Variants in PRPF40B observed in about 807,000 individuals in gnomAD.
PRPF40B encodes the protein pre-mRNA-processing factor 40 homolog B.
A neutral mutation model predicts 124.5 loss-of-function variants in PRPF40B; 56 were observed. The observed-to-expected ratio is 0.45, with a 90% CI of 0.36 to 0.56. PRPF40B has a LOEUF of 0.56. Among genes scored for constraint, PRPF40B ranks in the 20% least tolerant of loss-of-function variants. The probability of loss-of-function intolerance (pLI) is 0.00; values close to 1 mark genes in which losing one functional copy is unlikely to be tolerated. For synonymous variants in PRPF40B, 443 were observed against 426.4 expected, an observed-to-expected ratio of 1.04 and a Z score of -0.48; for missense variants, 1,053 against 1,169.5, an observed-to-expected ratio of 0.90 and a Z score of 1.45.
chr12:49,630,537 C>A lies in PRPF40B; in HGVS notation c.4-8C>A. ...CCTGGGTCCTATGACTTTTCTCTCC[C>A]TCAACAGTCGGTTCCCGATTCTGGT... On this transcript the variant is annotated splice_polypyrimidine_tract_variant and splice_region_variant and intron_variant, in intron 1 of 25. Coordinates refer to ENST00000548825, the MANE Select transcript of PRPF40B (RefSeq NM_001031698.3). The A allele has an allele frequency of 7.4e-7, 1 of 1,359,386 alleles. No individual in the cohort carries two copies. Among genetic ancestry groups the A allele is most frequent in the Non-Finnish European group, 1.0e-6 (1 of 967,704 alleles). 84.2% of individuals were successfully genotyped at this position (1,359,386 alleles called of 1,614,324 possible).
intron 1 of PRPF40B, among the ~76,000 whole-genome samples, chr12:49,626,781 A>G (rs1940757229): frequency 6.6e-6 from 1 of 152,130 alleles, no homozygotes; most frequent in Admixed American, 6.6e-5. Flanking sequence ...GATATACTAG[A>G]TTGCAAACAG....
At position 49,636,570 on chromosome 12, in the gene PRPF40B, C is replaced by T. The variant is rs1387851898; in HGVS notation, c.1427-146C>T. 4.1e-6 allele frequency: 4 copies of T among 985,120 alleles called. No homozygotes were observed. The South Asian group carries it at 6.4e-5, about 16-fold the overall frequency. The allele number at this position is 985,120 out of a possible 1,614,324, so 61.0% of individuals were successfully genotyped here. A position where few individuals can be genotyped will look rare whatever the true frequency, so the allele number is the denominator to read the frequency against. ...AGAACTACCATTGCAGTGGCTGCTC[C>T]CACAGAGCCCCCTCCAGGCCCTTCC... On this transcript the variant is annotated intron_variant, in intron 15 of 25. Coordinates refer to ENST00000548825, the MANE Select transcript of PRPF40B (RefSeq NM_001031698.3).
chr12:49,630,494 G>A, intron 1 of PRPF40B, 51 bp from the exon 2 acceptor site: 1 of 779,392 alleles, frequency 1.3e-6, no homozygotes, highest in South Asian at 1.4e-5. Flanking sequence ...TCTGCAAAAA[G>A]CCCATCTCTG....
chr12:49,637,386 C>A, intron 16 of PRPF40B, 84 bp from the exon 17 acceptor site: 1 of 904,478 alleles, frequency 1.1e-6, no homozygotes, highest in Non-Finnish European at 1.8e-6. Flanking sequence ...CTGCCTCTTC[C>A]TCTGCCATTC....
intron 18 of PRPF40B, chr12:49,638,895 C>CAT (rs987750754): frequency 3.3e-5 from 5 of 152,232 alleles, no homozygotes; most frequent in Admixed American, 3.3e-4. Context: ...TGTCTCACTG[C>CAT]ATATACATTT....
rs552783251 is a variant in PRPF40B, at chr12:49,641,937, G to A, written c.1797G>A (p.Thr599=). ...KDRGFCVEVN[T]AFEDFAHVIS... is the part of the protein sequence containing the mutation. ...GGGGCTTCTGCGTGGAGGTGAACAC[G>A]GCCTTTGAGGACTTCGCCCACGTCA... The change falls in exon 19 of 26, where the codon ACG becomes ACA. Residue 599 remains threonine, a synonymous_variant. Coordinates refer to ENST00000548825, the MANE Select transcript of PRPF40B (RefSeq NM_001031698.3). 93 of 1,613,738 alleles carry A rather than the reference G, an allele frequency of 5.8e-5. 1 individual carries two copies. The highest frequency in any genetic ancestry group is 5.1e-4 in the South Asian group (46 of 91,076).
In PRPF40B at chr12:49,630,676, A is replaced by C. The variant is rs570604489; in HGVS notation, c.84+51A>C. Reference sequence around the variant, plus strand: ...TTGGCTTTTCCAGCCTGCACCCCCAACTCCCCAGCCCCTAGCCACTGCTGC... The same window carrying C: ...TTGGCTTTTCCAGCCTGCACCCCCACCTCCCCAGCCCCTAGCCACTGCTGC... On this transcript the variant is annotated intron_variant, in intron 2 of 25. Coordinates refer to ENST00000548825, the MANE Select transcript of PRPF40B (RefSeq NM_001031698.3). 25 of 747,712 alleles carry C rather than the reference A, an allele frequency of 3.3e-5. No individual in the cohort carries two copies. In the East Asian group the frequency reaches 5.7e-4, roughly 17 times the overall value. The allele number at this position is 747,712 out of a possible 1,614,324, so 46.3% of individuals were successfully genotyped here.
chr12:49,631,689 T>C lies in PRPF40B; in HGVS notation c.228+145T>C. 1 of 1,298,774 alleles carries C rather than the reference T, an allele frequency of 7.7e-7. No homozygotes were observed. Among genetic ancestry groups the C allele is most frequent in the Non-Finnish European group, 1.1e-6 (1 of 912,152 alleles). 80.5% of individuals were successfully genotyped at this position (1,298,774 alleles called of 1,614,324 possible). On this transcript the variant is annotated intron_variant, in intron 3 of 25. Coordinates refer to ENST00000548825, the MANE Select transcript of PRPF40B (RefSeq NM_001031698.3). The surrounding 1 kb of genome is among the most constrained non-coding windows in gnomAD (Gnocchi z 4.3). ...CATGTGGATTTGTCTGCTGAATGAC[T>C]GAGACAACTCTCAGGCAAGGTGAGA...
intron 1 of PRPF40B, among the ~76,000 whole-genome samples, chr12:49,627,293 C>A (rs909781621): frequency 1.1e-4 from 17 of 152,098 alleles, no homozygotes; most frequent in African/African-American, 2.2e-4. Flanking sequence ...GTTTTTTATT[C>A]ATGCCAAATA....
At position 49,635,019 on chromosome 12, in the gene PRPF40B, T is replaced by C; in HGVS notation, c.1002-80T>C. 1 of 1,411,688 alleles carries C rather than the reference T, an allele frequency of 7.1e-7. No individual in the cohort carries two copies. The highest frequency in any genetic ancestry group is 9.6e-7 in the Non-Finnish European group (1 of 1,041,132). 87.4% of individuals were successfully genotyped at this position (1,411,688 alleles called of 1,614,324 possible). A position where few individuals can be genotyped will look rare whatever the true frequency, so the allele number is the denominator to read the frequency against. ...TGGAGCCCCTGCAGCCTGCAGTGTC[T>C]CATGACCCTCCAGTGTGGGCTGTGC... On this transcript the variant is annotated intron_variant, in intron 12 of 25. Transcript: ENST00000548825. The surrounding 1 kb of genome is among the most constrained non-coding windows in gnomAD (Gnocchi z 4.1).
intron 1 of PRPF40B, among the ~76,000 whole-genome samples, chr12:49,629,912 G>A (rs1467907394): frequency 1.3e-5 from 2 of 152,180 alleles, no homozygotes; most frequent in Non-Finnish European, 2.9e-5. Flanking sequence ...ACCAAAAAGG[G>A]GATGGAGATA....
rs1035232287 is a variant in PRPF40B at position 49,634,191 on chromosome 12, G to C, written c.812+99G>C. ...TGGGCCTCTCTCTCAGGAGGGGTTTGAAGATCTGGGTGTGACCTCTGAAGG... is the reference window on the plus strand; with the variant it reads ...TGGGCCTCTCTCTCAGGAGGGGTTTCAAGATCTGGGTGTGACCTCTGAAGG... On this transcript the variant is annotated intron_variant, in intron 10 of 25. Transcript: ENST00000548825. 8.3e-6 allele frequency: 13 copies of C among 1,574,088 alleles called. No homozygotes were observed. The Admixed American group carries it at 1.1e-4, about 13-fold the overall frequency.
At chr12:49,636,096 C>T (rs966058303) in intron 15 of PRPF40B, 103 bp downstream of exon 15, 37 of 1,442,298 alleles carry the variant, frequency 2.6e-5, no homozygotes, top group African/African-American at 4.2e-5. Context: ...CCTGCCCTCC[C>T]GGACACCCTA....
Position 49,631,961 on chromosome 12 carries a change from C to G in PRPF40B, c.294+36C>G. On this transcript the variant is annotated intron_variant, in intron 4 of 25. Coordinates refer to ENST00000548825, the MANE Select transcript of PRPF40B (RefSeq NM_001031698.3). The surrounding 1 kb of genome is among the most constrained non-coding windows in gnomAD (Gnocchi z 4.3). Reference sequence around the variant, plus strand: ...GGGGCCAGCAGGTAGCAGGCTCTGCCCTGCAGTCCCGTGAGTCTGACTTGG... The same window carrying G: ...GGGGCCAGCAGGTAGCAGGCTCTGCGCTGCAGTCCCGTGAGTCTGACTTGG... The G allele has an allele frequency of 6.3e-7, 1 of 1,591,504 alleles. No homozygotes were observed. The highest frequency in any genetic ancestry group is 8.6e-7 in the Non-Finnish European group (1 of 1,159,648).
At chr12:49,640,607 T>C (rs1197540634) in intron 18 of PRPF40B, 2 of 152,242 alleles carry the variant, frequency 1.3e-5, no homozygotes, top group African/African-American at 4.8e-5. Context: ...GGTTGCTTAT[T>C]GGCTCTGAGA....
chr12:49,637,027 G>C lies in PRPF40B; in HGVS notation c.1560+178G>C, dbSNP rs899343571. On this transcript the variant is annotated intron_variant, in intron 16 of 25. Transcript: ENST00000548825. ...TTTCTGCTGTACCTCCTCAATTCTG[G>C]ACTGTGCTCTTCTAGGGAGACTAGA... is the stretch of plus-strand genomic sequence containing the variant. 46 of 944,194 alleles carry C rather than the reference G, an allele frequency of 4.9e-5. No homozygotes were observed. The East Asian group carries it at 1.2e-3, about 25-fold the overall frequency. The allele number at this position is 944,194 out of a possible 1,614,324, so 58.5% of individuals were successfully genotyped here.
At chr12:49,624,858 A>AG (rs1391829086) in intron 1 of PRPF40B, among the ~76,000 whole-genome samples, 2 of 152,116 alleles carry the variant, frequency 1.3e-5, no homozygotes, top group Non-Finnish European at 2.9e-5. Context: ...AAAAAAAAAA[A>AG]AAAAGCAACA....
Position 49,643,215 on chromosome 12 carries a change from C to G in PRPF40B, c.2206-8C>G. 6.2e-7 allele frequency: 1 copy of G among 1,613,908 alleles called. No individual in the cohort carries two copies. The highest frequency in any genetic ancestry group is 1.1e-5 in the South Asian group (1 of 91,026). Reference sequence around the variant, plus strand: ...TCTGCACTGACATGTATCTGCTGATCTGCCCAGGGCTCTGAGTCAGAAGAA... The same window carrying G: ...TCTGCACTGACATGTATCTGCTGATGTGCCCAGGGCTCTGAGTCAGAAGAA... On this transcript the variant is annotated splice_polypyrimidine_tract_variant and splice_region_variant and intron_variant, in intron 22 of 25. Transcript: ENST00000548825.
chr12:49,638,069 GAC>G (rs1942090597), intron 18 of PRPF40B: 1 of 484,910 alleles, frequency 2.1e-6, no homozygotes, highest in East Asian at 3.5e-5. Flanking sequence ...TTATTACAGA[GAC>G]AGGAATCTGA....
Sources: gnomAD v4.1 joint callset for allele counts (sites outside exome capture counted in the v4.1 genomes callset) on GRCh38, gnomAD v4.1.1 for gene constraint, Gnocchi (gnomAD v3.1) non-coding constraint, MANE v1.5 for transcripts, NCBI Gene and HGNC (gene_info 2026-07-23, HGNC 2026-07-21) for gene names.